The following ADAP1 variants were observed in gnomAD, a reference collection of about 807,000 sequenced individuals.
ADAP1 encodes the protein ArfGAP with dual PH domains 1, also known as arf-GAP with dual PH domain-containing protein 1.
In ADAP1, 31 loss-of-function variants were observed where a neutral mutation model predicts 54.9. The observed-to-expected ratio is 0.56, with a 90% CI of 0.42 to 0.76. The LOEUF is 0.76. Ranked by LOEUF, ADAP1 falls within the 30% of genes least tolerant of loss-of-function variation. ADAP1 has a pLI of 0.00. For missense variants in ADAP1, 535 were observed against 512.4 expected, an observed-to-expected ratio of 1.04 and a Z score of -0.42; for synonymous variants, 313 against 202.6, an observed-to-expected ratio of 1.55 and a Z score of -4.63.
intron 4 of ADAP1, among the ~76,000 whole-genome samples, chr7:919,608 G>A (rs956138400): frequency 7.1e-6 from 1 of 140,752 alleles, no homozygotes; most frequent in South Asian, 2.4e-4. Flanking sequence ...GAGAGACAGA[G>A]AATGAGAGAC....
rs572516464 is a variant in ADAP1, at chr7:915,266, A to G, written c.388+4702T>C. Among the ~76,000 whole-genome samples, 3 of 121,070 alleles carry G rather than the reference A, an allele frequency of 2.5e-5. No individual in the cohort carries two copies. In the South Asian group the frequency reaches 7.8e-4, roughly 31 times the overall value. The allele number at this position is 121,070 out of a possible 152,430, so 79.4% of individuals were successfully genotyped here. A position where few individuals can be genotyped will look rare whatever the true frequency, so the allele number is the denominator to read the frequency against. The stretch of plus-strand genomic sequence containing the variant: ...CGCCTGTGCATCTCACCTGTGCCGC[A>G]CACACCCGTACATCTCGTCTGTGTA... On this transcript the variant is annotated intron_variant, in intron 4 of 10. Coordinates refer to ENST00000265846, the MANE Select transcript of ADAP1 (RefSeq NM_006869.4).
intron 1 of ADAP1, among the ~76,000 whole-genome samples, chr7:949,544 T>A (rs1384367770): frequency 6.6e-6 from 1 of 152,122 alleles, no homozygotes; most frequent in African/African-American, 2.4e-5. Context: ...AGAGCTGAGG[T>A]CTAGCTCACA....
At chr7:955,201 TG>T, upstream of ADAP1, 1 of 1,160,110 alleles carries the variant, frequency 8.6e-7, no homozygotes, top group Non-Finnish European at 1.3e-6. Flanking sequence ...TGGGACCCTC[TG>T]GGCACCCCTC....
At position 920,123 on chromosome 7, in the gene ADAP1, G is replaced by C; in HGVS notation, c.306-73C>G. The C allele has an allele frequency of 7.2e-7, 1 of 1,392,180 alleles. No homozygotes were observed. Among genetic ancestry groups the C allele is most frequent in the Non-Finnish European group, 9.9e-7 (1 of 1,006,816 alleles). The allele number at this position is 1,392,180 out of a possible 1,614,324, so 86.2% of individuals were successfully genotyped here. On this transcript the variant is annotated intron_variant, in intron 3 of 10. Transcript: ENST00000265846. This position sits in a 1 kb window ranked among gnomAD's most constrained non-coding sequence, Gnocchi z 4.5. Reference sequence around the variant, plus strand: ...CCCAGCACACGCCGCTCTCTGGCCCGGACCCTGGACATCTCAAGAGGCTCA... The same window carrying C: ...CCCAGCACACGCCGCTCTCTGGCCCCGACCCTGGACATCTCAAGAGGCTCA...
intron 4 of ADAP1, among the ~76,000 whole-genome samples, chr7:906,476 G>A (rs1845347408): frequency 2.6e-5 from 3 of 117,214 alleles, no homozygotes; most frequent in Non-Finnish European, 5.6e-5. Flanking sequence ...AAAGGAGAAA[G>A]GAGAAAGGAG....
At chr7:904,095 C>A in intron 6 of ADAP1, 31 bp downstream of exon 6, 3 of 1,609,762 alleles carry the variant, frequency 1.9e-6, no homozygotes, top group Middle Eastern at 3.8e-4. Context: ...CCTCCTGTGC[C>A]ACCCGGGCCC....
chr7:905,284 A>C, intron 4 of ADAP1, 112 bp from the exon 5 acceptor site: 2 of 296,508 alleles, frequency 6.7e-6, no homozygotes, highest in Non-Finnish European at 1.2e-5. Context: ...GGGGACACGG[A>C]CGGGGGACAC....
intron 6 of ADAP1, among the ~76,000 whole-genome samples, chr7:903,386 G>C (rs550262586): frequency 6.6e-6 from 1 of 152,100 alleles, no homozygotes; most frequent in Admixed American, 6.5e-5. Context: ...AATCTGCAGC[G>C]ACACCGGCAG....
chr7:936,661 G>T (rs1846769085), intron 1 of ADAP1, among the ~76,000 whole-genome samples: 1 of 152,252 alleles, frequency 6.6e-6, no homozygotes, highest in South Asian at 2.1e-4. Context: ...TAAGTCAAGG[G>T]AGTGGAATGG....
intron 2 of ADAP1, 105 bp downstream of exon 2, chr7:935,270 G>T: frequency 6.9e-7 from 1 of 1,451,904 alleles, no homozygotes; most frequent in Non-Finnish European, 9.3e-7. Flanking sequence ...AGTAGCCCAA[G>T]GCTCCAGGGG....
chr7:905,797 GGAGAAAGGAGAAA>G, intron 4 of ADAP1, among the ~76,000 whole-genome samples: 1 of 102,976 alleles, frequency 9.7e-6, no homozygotes, highest in African/African-American at 3.2e-5. Context: ...AAAGGAGAAA[GGAGAAAGGAGAAA>G]GGAGAAGGGA....
intron 4 of ADAP1, among the ~76,000 whole-genome samples, chr7:906,705 G>A (rs555826016): frequency 0.022 from 717 of 32,588 alleles, 41 homozygotes; most frequent in Non-Finnish European, 0.033. Context: ...ATGGACATGG[G>A]GGACGGGACA....
At chr7:900,887 C>T (rs1005455467) in intron 6 of ADAP1, 1 of 585,364 alleles carries the variant, frequency 1.7e-6, no homozygotes. Flanking sequence ...GGCCGAAGGG[C>T]CGGGCCGGGC....
chr7:900,473 T>TCCCCC, intron 7 of ADAP1, 60 bp downstream of exon 7: 1 of 1,486,580 alleles, frequency 6.7e-7, no homozygotes, highest in Non-Finnish European at 9.2e-7. Context: ...GAGGGCTCCG[T>TCCCCC]CCACCCCCCA....
chr7:950,712 C>G (rs1847245914), intron 1 of ADAP1, among the ~76,000 whole-genome samples: 3 of 151,766 alleles, frequency 2.0e-5, no homozygotes, highest in Admixed American at 2.0e-4. Context: ...CAAAAATTAG[C>G]CGGGCGTGGT....
chr7:917,791 G>C (rs565526108), intron 4 of ADAP1, among the ~76,000 whole-genome samples: 62 of 152,052 alleles, frequency 4.1e-4, no homozygotes, highest in African/African-American at 1.5e-3. Context: ...TCTTGTTACA[G>C]ACACACTCTC....
At chr7:937,178 A>G (rs112887973) in intron 1 of ADAP1, among the ~76,000 whole-genome samples, 5,207 of 18,376 alleles carry the variant, frequency 0.28, 345 homozygotes, top group South Asian at 0.36. Flanking sequence ...GTCACGCCCG[A>G]CCTCTGGGAT....
Position 920,685 on chromosome 7 carries a change from G to T in ADAP1, c.306-635C>A. On this transcript the variant is annotated intron_variant, in intron 3 of 10. Transcript: ENST00000265846. The surrounding 1 kb of genome is among the most constrained non-coding windows in gnomAD (Gnocchi z 4.5). ...ACCCGGGATGAGGAGAAGCCCCCGAGAGTAAAGCCCGGGACGAGGGCCCCC... is the reference window on the plus strand; with the variant it reads ...ACCCGGGATGAGGAGAAGCCCCCGATAGTAAAGCCCGGGACGAGGGCCCCC... 1 of 1,000,646 alleles carries T rather than the reference G, an allele frequency of 1.0e-6. No individual in the cohort carries two copies. Among genetic ancestry groups the T allele is most frequent in the Non-Finnish European group, 1.4e-6 (1 of 691,998 alleles). The allele number at this position is 1,000,646 out of a possible 1,614,324, so 62.0% of individuals were successfully genotyped here.
rs62430825 is a variant in ADAP1 at position 922,134 on chromosome 7, C to A, written c.306-2084G>T. The stretch of plus-strand genomic sequence containing the variant: ...CCCGGAGCCCTCCCGACTCCCACAG[C>A]CCTGGAGGGGCCGCACTGACACCCC... On this transcript the variant is annotated intron_variant, in intron 3 of 10. Coordinates refer to ENST00000265846, the MANE Select transcript of ADAP1 (RefSeq NM_006869.4). Among the ~76,000 whole-genome samples the A allele has an allele frequency of 2.0e-5, 3 of 152,204 alleles. No individual in the cohort carries two copies. The East Asian group carries it at 5.8e-4, about 29-fold the overall frequency.
Sources: allele counts gnomAD v4.1 joint callset (sites outside exome capture counted in the v4.1 genomes callset), GRCh38; gene constraint gnomAD v4.1.1; non-coding constraint Gnocchi (gnomAD v3.1); transcripts MANE v1.5; gene names NCBI Gene and HGNC (gene_info 2026-07-23, HGNC 2026-07-21).